The following WNK2 variants were observed in gnomAD, a reference collection of about 807,000 sequenced individuals.
WNK2 encodes the protein WNK lysine deficient protein kinase 2.
In WNK2, 67 loss-of-function variants were observed where a neutral mutation model predicts 192.1. That is an observed-to-expected ratio of 0.35 (90% CI 0.29 to 0.43). The LOEUF is 0.43. WNK2 is among the 20% of genes least tolerant of loss of function. The probability of loss-of-function intolerance (pLI) is 1.00; values close to 1 mark genes in which losing one functional copy is unlikely to be tolerated. For synonymous variants in WNK2, 1,439 were observed against 1,393.9 expected, an observed-to-expected ratio of 1.03 and a Z score of -0.72; for missense variants, 2,698 against 3,089.7, an observed-to-expected ratio of 0.87 and a Z score of 3.01.
At chr9:93,230,217 G>A (rs1168335795) in intron 3 of WNK2, among the ~76,000 whole-genome samples, 1 of 152,110 alleles carries the variant, frequency 6.6e-6, no homozygotes, top group African/African-American at 2.4e-5. Flanking sequence ...TGGGGAGTGG[G>A]GTGGCCACGG....
chr9:93,196,270 C>T (rs1409880021), intron 2 of WNK2, among the ~76,000 whole-genome samples: 2 of 152,100 alleles, frequency 1.3e-5, no homozygotes, highest in Non-Finnish European at 2.9e-5. Context: ...GGGCACTGTG[C>T]GTGCTTGCTC....
chr9:93,268,421 G>A (rs1260068636), intron 18 of WNK2, among the ~76,000 whole-genome samples: 1 of 152,188 alleles, frequency 6.6e-6, no homozygotes. Context: ...CAAGGAGCCT[G>A]GGGAACCACC....
At chr9:93,202,203 G>A (rs1056938582) in intron 2 of WNK2, among the ~76,000 whole-genome samples, 5 of 152,142 alleles carry the variant, frequency 3.3e-5, no homozygotes, top group African/African-American at 1.2e-4. Flanking sequence ...TGGGGTGGCC[G>A]CTCAGCACAG....
At chr9:93,248,522 G>T (rs1196966131) in intron 8 of WNK2, among the ~76,000 whole-genome samples, 1 of 152,246 alleles carries the variant, frequency 6.6e-6, no homozygotes, top group Admixed American at 6.5e-5. Context: ...GGTGGCAGTG[G>T]CTGCTTGGTG....
chr9:93,256,855 GGTGAGGGTTGATATCCT>G (rs1325862632), intron 10 of WNK2, 76 bp from the exon 11 acceptor site: 2 of 1,201,728 alleles, frequency 1.7e-6, no homozygotes, highest in Non-Finnish European at 2.3e-6. Flanking sequence ...TGCATGTGAG[GGTGAGGGTTGATATCCT>G]GTCATGTGTA....
chr9:93,265,071 C>T (rs1844938306), intron 16 of WNK2, among the ~76,000 whole-genome samples: 2 of 152,232 alleles, frequency 1.3e-5, no homozygotes, highest in South Asian at 4.1e-4. Context: ...GCAGAGACAC[C>T]TTGGACAAAG....
chr9:93,282,668 T>G (rs1349290423), intron 19 of WNK2, among the ~76,000 whole-genome samples: 2 of 152,164 alleles, frequency 1.3e-5, no homozygotes, highest in Non-Finnish European at 2.9e-5. Context: ...TTATATTTAG[T>G]AATAAGCCCT....
intron 2 of WNK2, among the ~76,000 whole-genome samples, chr9:93,186,693 C>T (rs1035176560): frequency 1.2e-4 from 18 of 152,204 alleles, no homozygotes; most frequent in African/African-American, 3.9e-4. Flanking sequence ...CTATATCCTC[C>T]GGCCCCGACA....
chr9:93,286,190 A>G (rs984563035), intron 19 of WNK2, among the ~76,000 whole-genome samples: 10 of 151,478 alleles, frequency 6.6e-5, no homozygotes, highest in Admixed American at 3.3e-4. Context: ...AAAATAAAAA[A>G]CTATTGTTTA....
chr9:93,308,059 C>A, intron 27 of WNK2: 1 of 571,296 alleles, frequency 1.8e-6, no homozygotes, highest in Non-Finnish European at 3.0e-6. Flanking sequence ...GGATGCTGAG[C>A]AGAGGCTGCC....
intron 2 of WNK2, among the ~76,000 whole-genome samples, chr9:93,214,092 G>T (rs1441238170): frequency 6.6e-6 from 1 of 151,980 alleles, no homozygotes. Context: ...ATTGCTTTCT[G>T]TTCTTTCTTG....
chr9:93,230,099 G>C (rs1436250059), intron 3 of WNK2, among the ~76,000 whole-genome samples: 1 of 152,184 alleles, frequency 6.6e-6, no homozygotes, highest in Non-Finnish European at 1.5e-5. Flanking sequence ...GTTTCTGCCT[G>C]GGAGCCAGCC....
Position 93,252,926 on chromosome 9 carries a change from A to G in WNK2, c.1878A>G (p.Ser626=), listed in dbSNP as rs2132652274. Residue 626 remains serine (S), a synonymous_variant, in exon 9 of 30, where the codon TCA becomes TCG. Coordinates refer to ENST00000427277, the MANE Select transcript of WNK2 (RefSeq NM_006648.4). ...GCGGCCAGGGCTCTACCGTGTACTC[A>G]GACTCGCAGAGCAGCCAGCAGAGCG... ...FDSGQGSTVY[S]DSQSSQQSVM... The G allele has an allele frequency of 6.4e-7, 1 of 1,570,206 alleles. No homozygotes were observed. Among genetic ancestry groups the G allele is most frequent in the Non-Finnish European group, 8.6e-7 (1 of 1,159,396 alleles).
rs1845546792 is a variant in WNK2, at chr9:93,268,634, C to T, written c.3921C>T (p.His1307=). ...NAPVYQQNVL[H]TGKRWFIICP... is the part of the protein sequence containing the mutation. ...TTCTGTTCTGCCCTTCAGTCCTGCA[C>T]ACCGGGAAGAGGTGGTTCATCATCT... is the stretch of plus-strand genomic sequence containing the variant. Residue 1307 remains histidine, a synonymous_variant, in exon 19 of 30, where the codon CAC becomes CAT. Coordinates refer to ENST00000427277, the MANE Select transcript of WNK2 (RefSeq NM_006648.4). The T allele has an allele frequency of 3.1e-6, 5 of 1,612,406 alleles. No homozygotes were observed. Among genetic ancestry groups the T allele is most frequent in the Non-Finnish European group, 4.2e-6 (5 of 1,179,500 alleles).
Position 93,259,570 on chromosome 9 carries a change from C to T in WNK2, c.3022C>T (p.His1008Tyr). The T allele has an allele frequency of 1.3e-6, 2 of 1,594,472 alleles. No individual in the cohort carries two copies. Among genetic ancestry groups the T allele is most frequent in the Admixed American group, 1.7e-5 (1 of 59,324 alleles). Residue 1008 changes from histidine to tyrosine, a missense_variant, in exon 12 of 30, where the codon CAC (histidine) becomes TAC (tyrosine). His to Tyr is a moderately conservative substitution (Grantham distance 83, BLOSUM62 2). Transcript: ENST00000427277. This position sits in a 1 kb window ranked among gnomAD's most constrained non-coding sequence, Gnocchi z 4.8. ...LPVRPEPLQP[H>Y]LPEQAAPAAT... ...TGTGCGCCCTGAGCCCCTCCAGCCC[C>T]ACCTTCCTGAACAAGCTGCTCCAGC...
chr9:93,293,241 G>A (rs1849665693), intron 23 of WNK2, 68 bp downstream of exon 23: 1 of 1,372,754 alleles, frequency 7.3e-7, no homozygotes. Context: ...AGTTGTGAGG[G>A]AACCCTGGTG....
Position 93,234,947 on chromosome 9 carries a change from C to G in WNK2, c.1215C>G (p.Ile405Met), listed in dbSNP as rs1439264465. 1.2e-6 allele frequency: 2 copies of G among 1,614,006 alleles called. No individual in the cohort carries two copies. Among genetic ancestry groups the G allele is most frequent in the Non-Finnish European group, 1.7e-6 (2 of 1,179,956 alleles). ...PYSECQNAAQ[I>M]YRKVTCGIKP... Reference sequence around the variant, plus strand: ...CGGAGTGCCAGAATGCGGCCCAGATCTACCGCAAGGTCACCTGTGTGAGTC... The same window carrying G: ...CGGAGTGCCAGAATGCGGCCCAGATGTACCGCAAGGTCACCTGTGTGAGTC... Residue 405 changes from isoleucine (I) to methionine (M), a missense_variant, in exon 5 of 30, where the codon ATC becomes ATG. This residue lies in a region of WNK2 where 230 missense variants were observed against 501.1 expected (regional missense o/e 0.46). Coordinates refer to ENST00000427277, the MANE Select transcript of WNK2 (RefSeq NM_006648.4).
intron 23 of WNK2, among the ~76,000 whole-genome samples, chr9:93,297,552 G>A (rs909993411): frequency 2.0e-5 from 3 of 152,254 alleles, no homozygotes; most frequent in African/African-American, 7.2e-5. Flanking sequence ...TTCATTGCAA[G>A]TATCAATGTA....
chr9:93,292,781 C>A lies in WNK2; in HGVS notation c.5316C>A (p.Asp1772Glu). 1 of 1,553,874 alleles carries A rather than the reference C, an allele frequency of 6.4e-7. No homozygotes were observed. Among genetic ancestry groups the A allele is most frequent in the Non-Finnish European group, 8.7e-7 (1 of 1,150,496 alleles). ...GCCTGAGATACTCTGCCCCACCCGA[C>A]GTCTACCTGGACGAGGCCCCCTCCA... The part of the protein sequence containing the change: ...PHSLRYSAPP[D>E]VYLDEAPSSP... Residue 1772 changes from aspartate to glutamate, a missense_variant, in exon 23 of 30, where the codon GAC (aspartate) becomes GAA (glutamate). Around this residue, in one of 7 missense-constraint regions of WNK2, gnomAD observed 1,098 missense variants for 1,101.0 expected, o/e 1.00. Transcript: ENST00000427277.
Sources: gnomAD v4.1 joint callset for allele counts (sites outside exome capture counted in the v4.1 genomes callset) on GRCh38, gnomAD v4.1.1 for gene constraint, gnomAD v4.1.1 regional missense constraint, Gnocchi (gnomAD v3.1) non-coding constraint, MANE v1.5 for transcripts, NCBI Gene and HGNC (gene_info 2026-07-23, HGNC 2026-07-21) for gene names.